Variants in TASOR observed in about 807,000 individuals in gnomAD.
TASOR encodes the protein transcription activation suppressor.
Under a neutral mutation model 178.6 loss-of-function variants are expected in TASOR, and 53 were observed. The observed-to-expected ratio is 0.30, with a 90% CI of 0.24 to 0.37. The LOEUF is 0.37. TASOR is among the 10% of genes least tolerant of loss of function. TASOR has a pLI of 1.00. For missense variants in TASOR, 1,815 were observed against 1,971.4 expected (o/e 0.92, Z 1.50); for synonymous variants, 713 against 696.2 (o/e 1.02, Z -0.38).
chr3:56,668,650 C>T, intron 5 of TASOR, 92 bp from the exon 6 acceptor site: 1 of 930,818 alleles, frequency 1.1e-6, no homozygotes, highest in East Asian at 2.8e-5. Context: ...GAATATAGAT[C>T]AACTATCCCA....
chr3:56,623,177 C>T lies in TASOR; in HGVS notation c.4873G>A (p.Ala1625Thr). ...THQTFLGTPY[A>T]LSSSQSQENE... ...TCTTGAGACTGACTTGATGAAAGGGCATATGGTGTCCCCAAAAATGTCTGA... is the reference window on the plus strand; with the variant it reads ...TCTTGAGACTGACTTGATGAAAGGGTATATGGTGTCCCCAAAAATGTCTGA... The change falls in exon 24 of 24, where the codon GCC becomes ACC. Residue 1625 changes from alanine (A) to threonine (T), a missense_variant. Around this residue, in one of 5 missense-constraint regions of TASOR, gnomAD observed 278 missense variants for 257.1 expected, o/e 1.08. Coordinates refer to ENST00000683822, the MANE Select transcript of TASOR (RefSeq NM_001365635.2). 6.2e-7 allele frequency: 1 copy of T among 1,613,690 alleles called. No individual in the cohort carries two copies. Among genetic ancestry groups the T allele is most frequent in the Non-Finnish European group, 8.5e-7 (1 of 1,179,844 alleles).
intron 2 of TASOR, among the ~76,000 whole-genome samples, chr3:56,672,627 T>C (rs2030850397): frequency 6.6e-6 from 1 of 152,240 alleles, no homozygotes; most frequent in Non-Finnish European, 1.5e-5. Context: ...TCTTCTTTGT[T>C]TGAACTTTTT....
At chr3:56,650,981 T>C (rs1431458844) in intron 11 of TASOR, among the ~76,000 whole-genome samples, 2 of 152,258 alleles carry the variant, frequency 1.3e-5, no homozygotes, top group Admixed American at 1.3e-4. Flanking sequence ...TTGTGCTCAC[T>C]GACGAAAACC....
chr3:56,628,102 G>A (rs1451032571), intron 19 of TASOR, among the ~76,000 whole-genome samples: 4 of 152,194 alleles, frequency 2.6e-5, no homozygotes. Context: ...ATGTAGGATG[G>A]AGATAGGGCT....
At chr3:56,624,777 TC>T (rs2076762515) in intron 22 of TASOR, 50 bp downstream of exon 22, 1 of 1,582,014 alleles carries the variant, frequency 6.3e-7, no homozygotes, top group Non-Finnish European at 8.6e-7. Flanking sequence ...TAAAATCCTT[TC>T]ATTCACATTC....
At chr3:56,672,063 A>C (rs1288831094) in intron 2 of TASOR, among the ~76,000 whole-genome samples, 1 of 152,196 alleles carries the variant, frequency 6.6e-6, no homozygotes, top group Non-Finnish European at 1.5e-5. Flanking sequence ...CTTCTAGATT[A>C]TAAACTCAAT....
chr3:56,644,131 GAGTC>G (rs2077186509), intron 14 of TASOR, among the ~76,000 whole-genome samples: 2 of 152,160 alleles, frequency 1.3e-5, no homozygotes, highest in South Asian at 4.1e-4. Context: ...CAATGCTTTG[GAGTC>G]AGTCAGAACT....
intron 3 of TASOR, among the ~76,000 whole-genome samples, chr3:56,671,184 C>CA (rs2030692392): frequency 6.6e-6 from 1 of 151,576 alleles, no homozygotes; most frequent in South Asian, 2.1e-4. Flanking sequence ...ACTAAAAATA[C>CA]AAAAATTAGC....
Position 56,647,035 on chromosome 3 carries a change from A to T in TASOR, c.1702T>A (p.Ser568Thr), listed in dbSNP as rs761377439. 6.2e-7 allele frequency: 1 copy of T among 1,602,876 alleles called. No individual in the cohort carries two copies. The highest frequency in any genetic ancestry group is 8.5e-7 in the Non-Finnish European group (1 of 1,177,282). Residue 568 changes from serine to threonine, a missense_variant, in exon 14 of 24, where the codon TCA becomes ACA. Ser to Thr is a moderately conservative substitution (Grantham distance 58). Around this residue, in one of 5 missense-constraint regions of TASOR, gnomAD observed 504 missense variants for 645.3 expected, o/e 0.78. Coordinates refer to ENST00000683822, the MANE Select transcript of TASOR (RefSeq NM_001365635.2). ...VSEFFKRGFG[S>T]GKREFIMFPY... ...AACATAATAAACTCTCGTTTACCTG[A>T]ACCAAAACCTCGCTTAAAAAATTCA...
In TASOR at chr3:56,621,480, G is replaced by A; in HGVS notation, c.*1557C>T. 1 of 1,127,710 alleles carries A rather than the reference G, an allele frequency of 8.9e-7. No individual in the cohort carries two copies. Among genetic ancestry groups the A allele is most frequent in the Non-Finnish European group, 1.3e-6 (1 of 782,766 alleles). The allele number at this position is 1,127,710 out of a possible 1,614,324, so 69.9% of individuals were successfully genotyped here. ...TATAATTCTAGTTTAACACAACATT[G>A]CAAGTCAGGTGTGCACATTTTACTA... is the stretch of plus-strand genomic sequence containing the variant. On this transcript the variant is annotated 3_prime_UTR_variant, in exon 24 of 24. Coordinates refer to ENST00000683822, the MANE Select transcript of TASOR (RefSeq NM_001365635.2).
rs1291891327 is a variant in TASOR, at chr3:56,641,487, C to T, written c.2481G>A (p.Gln827=). 1.2e-6 allele frequency: 2 copies of T among 1,613,620 alleles called. No individual in the cohort carries two copies. The highest frequency in any genetic ancestry group is 1.1e-5 in the South Asian group (1 of 91,076). The stretch of plus-strand genomic sequence containing the variant: ...CATTTTCAACTTTTGCACAAGTAGG[C>T]TGCTCATAGTCTTTCTTATCTGGGG... ...NSTPDKKDYE[Q]PTCAKVENAQ... Residue 827 remains glutamine, a synonymous_variant, in exon 15 of 24, where the codon CAG becomes CAA. Transcript: ENST00000683822.
intron 5 of TASOR, among the ~76,000 whole-genome samples, chr3:56,669,050 GAAAA>G (rs11352670): frequency 7.0e-6 from 1 of 142,202 alleles, no homozygotes; most frequent in Non-Finnish European, 1.6e-5. Flanking sequence ...ATCACTAAAA[GAAAA>G]AAAAAAAATC....
At chr3:56,681,963 G>GT (rs916609545) in intron 1 of TASOR, among the ~76,000 whole-genome samples, 7 of 152,052 alleles carry the variant, frequency 4.6e-5, no homozygotes, top group African/African-American at 1.7e-4. Context: ...CTTCTCATTA[G>GT]TTTTTTTCCA....
intron 11 of TASOR, among the ~76,000 whole-genome samples, chr3:56,658,832 G>A (rs1246143075): frequency 1.3e-5 from 2 of 151,964 alleles, no homozygotes; most frequent in Non-Finnish European, 2.9e-5. Context: ...GCTTGAACCC[G>A]GAAGGTTGAA....
intron 21 of TASOR, among the ~76,000 whole-genome samples, chr3:56,625,596 G>A (rs2076779946): frequency 6.6e-6 from 1 of 152,186 alleles, no homozygotes; most frequent in African/African-American, 2.4e-5. Context: ...GCAGTGAGCT[G>A]AGACTGCTCT....
intron 7 of TASOR, among the ~76,000 whole-genome samples, chr3:56,665,950 CAG>C (rs747415539): frequency 1.7e-4 from 26 of 152,100 alleles, no homozygotes; most frequent in Non-Finnish European, 3.2e-4. Flanking sequence ...GCCTGGGGGA[CAG>C]AGAGAGACTC....
intron 11 of TASOR, among the ~76,000 whole-genome samples, chr3:56,652,276 T>C (rs577303241): frequency 5.3e-5 from 8 of 152,168 alleles, no homozygotes; most frequent in Non-Finnish European, 1.2e-4. Context: ...CATAGAATTA[T>C]ATACTTTAAA....
chr3:56,682,742 G>A lies in TASOR; in HGVS notation c.265C>T (p.Pro89Ser). ...EAGAAALPRG[P>S]EEPERPVRRS... is the part of the protein sequence containing the mutation. The stretch of plus-strand genomic sequence containing the variant: ...CTAACAGGCCTTTCGGGCTCTTCGG[G>A]GCCTCTGGGCAGGGCGGCCGCGCCC... The change falls in exon 1 of 24, where the codon CCC (proline) becomes TCC (serine). Residue 89 changes from proline (P) to serine (S), a missense_variant. Around this residue, in one of 5 missense-constraint regions of TASOR, gnomAD observed 244 missense variants for 202.7 expected, o/e 1.20. Coordinates refer to ENST00000683822, the MANE Select transcript of TASOR (RefSeq NM_001365635.2). 2 of 1,523,954 alleles carry A rather than the reference G, an allele frequency of 1.3e-6. No homozygotes were observed. Among genetic ancestry groups the A allele is most frequent in the Non-Finnish European group, 1.8e-6 (2 of 1,133,806 alleles). 94.4% of individuals were successfully genotyped at this position (1,523,954 alleles called of 1,614,324 possible).
In TASOR at chr3:56,624,566, A is replaced by T. The variant is rs2076757991; in HGVS notation, c.4396T>A (p.Phe1466Ile). The T allele has an allele frequency of 6.2e-7, 1 of 1,614,018 alleles. No homozygotes were observed. Among genetic ancestry groups the T allele is most frequent in the African/African-American group, 1.3e-5 (1 of 74,934 alleles). ...TTGTGATAGCCCACAAGATTTTTAA[A>T]GTTTTGCATGAAGTCTTCAGCAGTT... ...VATAEDFMQN[F>I]KNLVGYHNSI... Residue 1466 changes from phenylalanine to isoleucine, a missense_variant, in exon 23 of 24, where the codon TTT (phenylalanine) becomes ATT (isoleucine). Around this residue, in one of 5 missense-constraint regions of TASOR, gnomAD observed 278 missense variants for 257.1 expected, o/e 1.08. Transcript: ENST00000683822.
Sources: gnomAD v4.1 joint callset for allele counts (sites outside exome capture counted in the v4.1 genomes callset) on GRCh38, gnomAD v4.1.1 for gene constraint, gnomAD v4.1.1 regional missense constraint, MANE v1.5 for transcripts, NCBI Gene and HGNC (gene_info 2026-07-23, HGNC 2026-07-21) for gene names.